The following AGT variants were observed in gnomAD, a reference collection of about 807,000 sequenced individuals.
AGT encodes the protein angiotensinogen, also known as alpha-1 antiproteinase, antitrypsin.
A neutral mutation model predicts 28.1 loss-of-function variants in AGT; 26 were observed. The ratio of observed to expected loss-of-function variants is 0.92; its 90% CI spans 0.68 to 1.28. The LOEUF (loss-of-function observed/expected upper bound fraction) is 1.28, where lower values mean the gene tolerates loss of function less well. Among genes scored for constraint, AGT ranks in the 50% most tolerant of loss-of-function variants. AGT has a pLI of 0.00. For synonymous variants in AGT, 259 were observed against 259.6 expected, an observed-to-expected ratio of 1.00 and a Z score of 0.02; for missense variants, 596 against 592.3, an observed-to-expected ratio of 1.01 and a Z score of -0.06.
At chr1:230,727,690 G>T (rs955140196) in intron 1 of AGT, among the ~76,000 whole-genome samples, 3 of 152,206 alleles carry the variant, frequency 2.0e-5, no homozygotes, top group African/African-American at 4.8e-5. Flanking sequence ...ATGGGAAAAT[G>T]ACTTCTAGGG....
intron 3 of AGT, among the ~76,000 whole-genome samples, chr1:230,704,959 G>A (rs142008096): frequency 1.3e-5 from 2 of 152,334 alleles, no homozygotes; most frequent in East Asian, 3.9e-4. Flanking sequence ...TCCATCGATG[G>A]ATGAGTGGAT....
upstream of AGT, among the ~76,000 whole-genome samples, chr1:230,717,056 C>T (rs186008047): frequency 1.7e-3 from 246 of 148,754 alleles, 1 homozygote; most frequent in African/African-American, 5.9e-3. Context: ...CACTTTGACA[C>T]AGCCCTAGAT....
rs1261813615 is a variant in AGT at position 230,710,862 on chromosome 1, T to G, written c.-30-9A>C. ...GCTCGCTTCCGCATACCCTGAAATATCATTTTGCAAAGGGTGAAAGGTGGT... is the reference window on the plus strand; with the variant it reads ...GCTCGCTTCCGCATACCCTGAAATAGCATTTTGCAAAGGGTGAAAGGTGGT... On this transcript the variant is annotated splice_polypyrimidine_tract_variant and intron_variant, in intron 1 of 4. Transcript: ENST00000366667. The G allele has an allele frequency of 6.2e-7, 1 of 1,610,860 alleles. No homozygotes were observed. The highest frequency in any genetic ancestry group is 2.2e-5 in the East Asian group (1 of 44,882).
At chr1:230,741,158 C>G (rs1233411776) in intron 1 of AGT, among the ~76,000 whole-genome samples, 2 of 152,182 alleles carry the variant, frequency 1.3e-5, no homozygotes, top group Non-Finnish European at 2.9e-5. Flanking sequence ...TATCATTCTT[C>G]AACAATGAAT....
At chr1:230,726,848 G>A (rs943198332) in intron 1 of AGT, among the ~76,000 whole-genome samples, 1 of 152,204 alleles carries the variant, frequency 6.6e-6, no homozygotes, top group Non-Finnish European at 1.5e-5. Flanking sequence ...AAAAAAGCCA[G>A]ATGCTATGTC....
chr1:230,710,729 A>G lies in AGT; in HGVS notation c.95T>C (p.Phe32Ser). The change falls in exon 2 of 5, where the codon TTC (phenylalanine) becomes TCC (serine). Residue 32 changes from phenylalanine (F) to serine (S), a missense_variant. Phe to Ser is a radical substitution (Grantham distance 155). Transcript: ENST00000366667. ...AAGDRVYIHP[F>S]HLVIHNESTC... ...ACTCTCATTGTGGATGACGAGGTGG[A>G]AGGGGTGTATGTACACCCGGTCACC... 1.2e-6 allele frequency: 2 copies of G among 1,614,102 alleles called. No homozygotes were observed. The highest frequency in any genetic ancestry group is 1.7e-6 in the Non-Finnish European group (2 of 1,179,950).
chr1:230,712,123 C>T (rs537513053), intron 1 of AGT, among the ~76,000 whole-genome samples: 1 of 152,288 alleles, frequency 6.6e-6, no homozygotes, highest in South Asian at 2.1e-4. Flanking sequence ...GGGTGTACTG[C>T]AATATCGTCA....
At chr1:230,721,029 T>A (rs977928364) in intron 1 of AGT, among the ~76,000 whole-genome samples, 1 of 152,222 alleles carries the variant, frequency 6.6e-6, no homozygotes. Context: ...GGACAGGTAG[T>A]GTGCCCCAAG....
intron 2 of AGT, among the ~76,000 whole-genome samples, chr1:230,707,011 G>T (rs1421521418): frequency 1.3e-5 from 2 of 152,224 alleles, no homozygotes; most frequent in Non-Finnish European, 2.9e-5. Flanking sequence ...GGAAACGAGG[G>T]CTCCATTCCT....
intron 1 of AGT, among the ~76,000 whole-genome samples, chr1:230,742,046 A>C (rs1196433598): frequency 1.3e-5 from 2 of 152,098 alleles, no homozygotes; most frequent in Non-Finnish European, 2.9e-5. Context: ...ACAGAGCAAG[A>C]CTCCGACTCT....
intron 1 of AGT, 144 bp from the exon 2 acceptor site, chr1:230,710,997 A>C: frequency 8.8e-7 from 1 of 1,139,554 alleles, no homozygotes; most frequent in Non-Finnish European, 1.2e-6. Flanking sequence ...AAAAGAAGAA[A>C]TGGATTCAAA....
rs76252688 is a variant in AGT at position 230,731,138 on chromosome 1, A to G, written c.-31+14377T>C. Among the ~76,000 whole-genome samples, 452 of 152,316 alleles carry G rather than the reference A, an allele frequency of 3.0e-3. 1 individual carries two copies. The highest frequency in any genetic ancestry group is 5.2e-3 in the Non-Finnish European group (354 of 68,030). On this transcript the variant is annotated intron_variant, in intron 1 of 4. Transcript: ENST00000681269. ...TTTAAAAACCTTGTGACGAAAGCCA[A>G]ATGGAGTTCATATCCAAGGTCACTT...
In AGT at chr1:230,702,793, A is replaced by T. The variant is rs997074873; in HGVS notation, c.*348T>A. On this transcript the variant is annotated 3_prime_UTR_variant, in exon 5 of 5. Transcript: ENST00000366667. ...TTTTTGTTCTCAACTTGAAAAGGGA[A>T]CACTTTTTTGTTTCACAAACAAGCT... The T allele has an allele frequency of 3.5e-6, 1 of 286,880 alleles. No individual in the cohort carries two copies. The highest frequency in any genetic ancestry group is 7.0e-5 in the East Asian group (1 of 14,386). 17.8% of individuals were successfully genotyped at this position (286,880 alleles called of 1,614,324 possible).
At chr1:230,717,639 T>C (rs1341997242), upstream of AGT, among the ~76,000 whole-genome samples, 1 of 152,200 alleles carries the variant, frequency 6.6e-6, no homozygotes, top group African/African-American at 2.4e-5. Context: ...CATCATTTAC[T>C]GGAAAGCAGG....
chr1:230,703,680 A>C (rs1270159179), intron 4 of AGT, among the ~76,000 whole-genome samples: 1 of 152,186 alleles, frequency 6.6e-6, no homozygotes, highest in Non-Finnish European at 1.5e-5. Flanking sequence ...TAGCTAACTT[A>C]GCACAGAGGG....
chr1:230,745,191 T>C (rs1227792366), intron 1 of AGT, among the ~76,000 whole-genome samples: 1 of 152,046 alleles, frequency 6.6e-6, no homozygotes, highest in African/African-American at 2.4e-5. Flanking sequence ...CAAGTCAGGC[T>C]CAGAAGGAGA....
chr1:230,729,221 C>T (rs1208098078), intron 1 of AGT, among the ~76,000 whole-genome samples: 2 of 152,226 alleles, frequency 1.3e-5, no homozygotes, highest in Non-Finnish European at 2.9e-5. Flanking sequence ...TTCATCCGCA[C>T]TCAGCAACAG....
intron 3 of AGT, among the ~76,000 whole-genome samples, chr1:230,705,716 G>A (rs1223210878): frequency 2.0e-5 from 3 of 152,228 alleles, no homozygotes; most frequent in Non-Finnish European, 4.4e-5. Context: ...TACCTTGCCT[G>A]CACTTGAAAG....
At chr1:230,744,571 G>C (rs1362821924) in intron 1 of AGT, among the ~76,000 whole-genome samples, 2 of 152,166 alleles carry the variant, frequency 1.3e-5, no homozygotes, top group Admixed American at 6.5e-5. Flanking sequence ...TGTGGTTCTG[G>C]AGGATTGTTA....
Sources: allele counts gnomAD v4.1 joint callset (sites outside exome capture counted in the v4.1 genomes callset), GRCh38; gene constraint gnomAD v4.1.1; transcripts MANE v1.5; gene names NCBI Gene and HGNC (gene_info 2026-07-23, HGNC 2026-07-21).